Variants in ELFN2 observed in about 807,000 individuals in gnomAD.
ELFN2 encodes the protein extracellular leucine rich repeat and fibronectin type III domain containing 2.
Under a neutral mutation model 45.5 loss-of-function variants are expected in ELFN2, and 17 were observed. That is an observed-to-expected ratio of 0.37 (90% CI 0.26 to 0.56). ELFN2 has a LOEUF of 0.56. ELFN2 is among the 20% of genes least tolerant of loss of function. The pLI is 0.77. For missense variants in ELFN2, 922 were observed against 1,183.2 expected, an observed-to-expected ratio of 0.78 and a Z score of 3.24; for synonymous variants, 550 against 551.5, an observed-to-expected ratio of 1.00 and a Z score of 0.04.
chr22:37,352,353 A>AGTC (rs1346847198), intron 1 of ELFN2: 11 of 151,022 alleles, frequency 7.3e-5, no homozygotes, highest in African/African-American at 2.7e-4. Context: ...CGTCACTATC[A>AGTC]ATCAGGCACC....
intron 2 of ELFN2, among the ~76,000 whole-genome samples, chr22:37,398,062 G>T (rs9607458): frequency 1.3e-5 from 2 of 152,072 alleles, no homozygotes; most frequent in African/African-American, 4.8e-5. Flanking sequence ...GCCACGCTGC[G>T]GGTGGATTAT....
At chr22:37,359,846 T>C (rs893253957) in intron 1 of ELFN2, among the ~76,000 whole-genome samples, 6 of 152,222 alleles carry the variant, frequency 3.9e-5, no homozygotes, top group African/African-American at 1.4e-4. Context: ...AGCTCTGTGA[T>C]TGCCCCTGCA....
At chr22:37,405,485 C>G (rs1932476637) in intron 2 of ELFN2, among the ~76,000 whole-genome samples, 1 of 152,046 alleles carries the variant, frequency 6.6e-6, no homozygotes, top group Non-Finnish European at 1.5e-5. Context: ...GAAAACATGT[C>G]AGGCATGGGT....
intron 1 of ELFN2, among the ~76,000 whole-genome samples, chr22:37,348,121 C>G (rs943093485): frequency 6.6e-6 from 1 of 152,232 alleles, no homozygotes; most frequent in Admixed American, 6.5e-5. Context: ...GGATGCCCTC[C>G]TCATTCCAAG....
chr22:37,359,489 G>A (rs1024166026), intron 1 of ELFN2, among the ~76,000 whole-genome samples: 3 of 152,186 alleles, frequency 2.0e-5, no homozygotes, highest in Non-Finnish European at 2.9e-5. Context: ...TGCTTCCATT[G>A]CTGTATCTGC....
At chr22:37,414,773 G>C (rs1369986910) in intron 2 of ELFN2, among the ~76,000 whole-genome samples, 1 of 152,136 alleles carries the variant, frequency 6.6e-6, no homozygotes, top group African/African-American at 2.4e-5. Flanking sequence ...ACTTACAAAG[G>C]GCACTCACTA....
At chr22:37,424,360 C>G (rs1601775671) in intron 1 of ELFN2, among the ~76,000 whole-genome samples, 3 of 152,322 alleles carry the variant, frequency 2.0e-5, no homozygotes, top group Middle Eastern at 6.8e-3. Flanking sequence ...AAGCATCCTA[C>G]AAGACCTCAG....
At chr22:37,404,986 A>T (rs1242055289) in intron 2 of ELFN2, among the ~76,000 whole-genome samples, 1 of 151,982 alleles carries the variant, frequency 6.6e-6, no homozygotes, top group Admixed American at 6.5e-5. Flanking sequence ...CCTGCTGGTG[A>T]TCAAGAAGGA....
intron 1 of ELFN2, chr22:37,354,656 A>ATCTTATGGGGT (rs1930907967): frequency 6.9e-6 from 1 of 145,680 alleles, no homozygotes; most frequent in Non-Finnish European, 1.5e-5. Flanking sequence ...ATCCTACCAT[A>ATCTTATGGGGT]TCTTATGGGG....
In ELFN2 at chr22:37,375,092, G is replaced by A; in HGVS notation, c.443C>T (p.Ser148Phe). The A allele has an allele frequency of 1.2e-6, 2 of 1,613,690 alleles. No homozygotes were observed. Among genetic ancestry groups the A allele is most frequent in the South Asian group, 1.1e-5 (1 of 91,074 alleles). Reference protein sequence around the residue: ...LIEVVTPTAFSECPSLISIDL... With the variant: ...LIEVVTPTAFFECPSLISIDL... The stretch of plus-strand genomic sequence containing the variant: ...GATGCTGATGAGGCTCGGGCACTCG[G>A]AGAAGGCGGTGGGCGTCACCACCTC... The change falls in exon 3 of 3, where the codon TCC (serine) becomes TTC (phenylalanine). Residue 148 changes from serine (S) to phenylalanine (F), a missense_variant. Ser to Phe is a radical substitution (Grantham distance 155, BLOSUM62 -2). Around this residue, in one of 2 missense-constraint regions of ELFN2, gnomAD observed 358 missense variants for 540.4 expected, o/e 0.66. Coordinates refer to ENST00000402918, the MANE Select transcript of ELFN2 (RefSeq NM_052906.5).
At chr22:37,361,605 C>G (rs1480628832) in intron 1 of ELFN2, among the ~76,000 whole-genome samples, 1 of 152,144 alleles carries the variant, frequency 6.6e-6, no homozygotes, top group Non-Finnish European at 1.5e-5. Flanking sequence ...TGGGCCCATC[C>G]CACACCATCT....
At chr22:37,378,145 G>A (rs1931634560) in intron 2 of ELFN2, among the ~76,000 whole-genome samples, 1 of 152,258 alleles carries the variant, frequency 6.6e-6, no homozygotes, top group East Asian at 1.9e-4. Flanking sequence ...TACAAGTCAA[G>A]GATGGGCGGG....
chr22:37,367,491 AC>A (rs1931231126), downstream of ELFN2, among the ~76,000 whole-genome samples: 1 of 152,202 alleles, frequency 6.6e-6, no homozygotes, highest in Non-Finnish European at 1.5e-5. Context: ...CACTGGACCC[AC>A]CATAGACAGG....
At position 37,368,035 on chromosome 22, in the gene ELFN2, C is replaced by T. The variant is rs1005588659; in HGVS notation, c.*5037G>A. ...ACAGGAATCTCCGAGTTGAGGAAAACAATTTCGTGCCATTCAGTTTTAAAA... is the reference window on the plus strand; with the variant it reads ...ACAGGAATCTCCGAGTTGAGGAAAATAATTTCGTGCCATTCAGTTTTAAAA... On this transcript the variant is annotated 3_prime_UTR_variant, in exon 3 of 3. Coordinates refer to ENST00000402918, the MANE Select transcript of ELFN2 (RefSeq NM_052906.5). 1 of 152,524 alleles carries T rather than the reference C, an allele frequency of 6.6e-6. No individual in the cohort carries two copies. Among genetic ancestry groups the T allele is most frequent in the Non-Finnish European group, 1.5e-5 (1 of 68,036 alleles). The allele number at this position is 152,524 out of a possible 1,614,324, so 9.4% of individuals were successfully genotyped here. A position where few individuals can be genotyped will look rare whatever the true frequency, so the allele number is the denominator to read the frequency against.
chr22:37,391,962 G>A (rs1027645804), intron 2 of ELFN2, among the ~76,000 whole-genome samples: 1 of 152,200 alleles, frequency 6.6e-6, no homozygotes, highest in Non-Finnish European at 1.5e-5. Flanking sequence ...CAGAGCCTCA[G>A]TTTCCCCAAG....
At chr22:37,349,176 A>G (rs1423541753) in intron 1 of ELFN2, among the ~76,000 whole-genome samples, 1 of 151,244 alleles carries the variant, frequency 6.6e-6, no homozygotes, top group African/African-American at 2.4e-5. Flanking sequence ...CGGCACCAGG[A>G]GGCCTGGGTG....
At chr22:37,401,098 A>G (rs5756665) in intron 2 of ELFN2, among the ~76,000 whole-genome samples, 76,545 of 152,080 alleles carry the variant, frequency 0.5, 20,053 homozygotes, top group African/African-American at 0.65. Context: ...CAAGCGGAAC[A>G]TGCGGGGGCC....
intron 2 of ELFN2, among the ~76,000 whole-genome samples, chr22:37,386,755 T>C (rs1447656279): frequency 1.3e-5 from 2 of 152,192 alleles, no homozygotes; most frequent in Non-Finnish European, 2.9e-5. Flanking sequence ...AGGCTATCTA[T>C]GTGACAGCTG....
At chr22:37,365,564 A>C (rs1931184806), downstream of ELFN2, among the ~76,000 whole-genome samples, 1 of 152,190 alleles carries the variant, frequency 6.6e-6, no homozygotes, top group African/African-American at 2.4e-5. Flanking sequence ...AAAAGAAGGA[A>C]GGAAAAGGAG....
Sources: gnomAD v4.1 joint callset for allele counts (sites outside exome capture counted in the v4.1 genomes callset) on GRCh38, gnomAD v4.1.1 for gene constraint, gnomAD v4.1.1 regional missense constraint, MANE v1.5 for transcripts, NCBI Gene and HGNC (gene_info 2026-07-23, HGNC 2026-07-21) for gene names.